The following KCND2 variants were observed in gnomAD, a reference collection of about 807,000 sequenced individuals.
The protein encoded by KCND2 is potassium voltage-gated channel subfamily D member 2.
KCND2 carries 16 observed loss-of-function variants against 54.4 expected under a neutral mutation model. That is an observed-to-expected ratio of 0.29 (90% confidence interval 0.20 to 0.45). The LOEUF is 0.45. KCND2 is among the 20% of genes least tolerant of loss of function. The probability of loss-of-function intolerance (pLI) is 1.00; values close to 1 mark genes in which losing one functional copy is unlikely to be tolerated. For synonymous variants in KCND2, 317 were observed against 310.7 expected (o/e 1.02, Z -0.21); for missense variants, 486 against 824.2 (o/e 0.59, Z 5.02).
intron 1 of KCND2, among the ~76,000 whole-genome samples, chr7:120,292,283 T>C (rs1799446603): frequency 6.6e-6 from 1 of 151,922 alleles, no homozygotes; most frequent in South Asian, 2.1e-4. Flanking sequence ...AATATTACTT[T>C]TTATTTTTTT....
At chr7:120,413,431 G>GA (rs1291161285) in intron 1 of KCND2, among the ~76,000 whole-genome samples, 1 of 151,370 alleles carries the variant, frequency 6.6e-6, no homozygotes, top group East Asian at 1.9e-4. Context: ...TATATTATTA[G>GA]AAAAAAATGT....
chr7:120,542,839 A>G (rs1303117456), intron 1 of KCND2, among the ~76,000 whole-genome samples: 1 of 152,114 alleles, frequency 6.6e-6, no homozygotes, highest in Non-Finnish European at 1.5e-5. Flanking sequence ...AATAGCAACT[A>G]TTTATTGCTC....
At chr7:120,573,534 C>G (rs1476003650) in intron 1 of KCND2, among the ~76,000 whole-genome samples, 1 of 152,156 alleles carries the variant, frequency 6.6e-6, no homozygotes, top group Non-Finnish European at 1.5e-5. Flanking sequence ...CTCCTAATCT[C>G]TATGCACTAA....
intron 1 of KCND2, among the ~76,000 whole-genome samples, chr7:120,635,986 A>G (rs528705743): frequency 2.6e-5 from 4 of 152,244 alleles, no homozygotes; most frequent in South Asian, 2.1e-4. Flanking sequence ...AATCTGAACT[A>G]TGGGCCCTAA....
At chr7:120,640,024 A>G (rs1385361306) in intron 1 of KCND2, among the ~76,000 whole-genome samples, 1 of 152,192 alleles carries the variant, frequency 6.6e-6, no homozygotes, top group African/African-American at 2.4e-5. Flanking sequence ...CTGTAGACTT[A>G]TAGATATTTT....
chr7:120,732,366 TGA>T (rs1792818917), intron 1 of KCND2, among the ~76,000 whole-genome samples: 1 of 152,148 alleles, frequency 6.6e-6, no homozygotes, highest in African/African-American at 2.4e-5. Flanking sequence ...AATGAGAGAT[TGA>T]GTTAGATTTT....
At chr7:120,380,567 T>C (rs1049482111) in intron 1 of KCND2, among the ~76,000 whole-genome samples, 1 of 152,056 alleles carries the variant, frequency 6.6e-6, no homozygotes, top group African/African-American at 2.4e-5. Flanking sequence ...CATCATTAGA[T>C]AGATAATATT....
At chr7:120,303,798 A>T (rs1300395329) in intron 1 of KCND2, among the ~76,000 whole-genome samples, 3 of 152,188 alleles carry the variant, frequency 2.0e-5, no homozygotes, top group African/African-American at 7.2e-5. Context: ...TGTATCCTTT[A>T]AAATAATGAC....
chr7:120,282,384 G>T (rs1003003252), intron 1 of KCND2, among the ~76,000 whole-genome samples: 4 of 152,104 alleles, frequency 2.6e-5, no homozygotes, highest in Non-Finnish European at 4.4e-5. Context: ...TGCAATTTCT[G>T]TCAGGAAAAG....
chr7:120,332,931 CTT>C (rs1325814119), intron 1 of KCND2, among the ~76,000 whole-genome samples: 1 of 152,068 alleles, frequency 6.6e-6, no homozygotes, highest in Non-Finnish European at 1.5e-5. Context: ...AGATAATAGA[CTT>C]ATTTAACCCA....
intron 1 of KCND2, among the ~76,000 whole-genome samples, chr7:120,341,888 C>T (rs1800244432): frequency 6.6e-6 from 1 of 152,090 alleles, no homozygotes. Flanking sequence ...TCAATATAAT[C>T]TGCCGACCAG....
At chr7:120,658,699 T>C (rs993269435) in intron 1 of KCND2, among the ~76,000 whole-genome samples, 1 of 152,176 alleles carries the variant, frequency 6.6e-6, no homozygotes, top group African/African-American at 2.4e-5. Context: ...TAGTTACCAC[T>C]TGACCAGCAA....
chr7:120,418,410 C>A (rs1467304715), intron 1 of KCND2, among the ~76,000 whole-genome samples: 1 of 151,824 alleles, frequency 6.6e-6, no homozygotes, highest in Non-Finnish European at 1.5e-5. Flanking sequence ...AAAAAGAAAA[C>A]AATGAAAATG....
intron 1 of KCND2, among the ~76,000 whole-genome samples, chr7:120,527,028 G>A (rs1345313059): frequency 6.6e-6 from 1 of 151,982 alleles, no homozygotes; most frequent in Non-Finnish European, 1.5e-5. Flanking sequence ...ATATATTGAA[G>A]TACATCAGAT....
chr7:120,657,128 C>CGT (rs1482699193), intron 1 of KCND2, among the ~76,000 whole-genome samples: 1 of 151,982 alleles, frequency 6.6e-6, no homozygotes, highest in Non-Finnish European at 1.5e-5. Flanking sequence ...CAGCTATAGC[C>CGT]GTGTGTCAAG....
chr7:120,529,639 A>G (rs1266364842), intron 1 of KCND2, among the ~76,000 whole-genome samples: 2 of 152,164 alleles, frequency 1.3e-5, no homozygotes, highest in Admixed American at 1.3e-4. Flanking sequence ...TGAAGTTGAA[A>G]GTCACTTTAA....
At chr7:120,432,959 ACTC>A (rs1487671316) in intron 1 of KCND2, among the ~76,000 whole-genome samples, 1 of 151,046 alleles carries the variant, frequency 6.6e-6, no homozygotes, top group Non-Finnish European at 1.5e-5. Flanking sequence ...CCAAATCTCA[ACTC>A]CTCATCTGAC....
intron 1 of KCND2, among the ~76,000 whole-genome samples, chr7:120,588,402 A>AGTGTGTGT (rs3993713): frequency 0.063 from 8,939 of 141,280 alleles, 310 homozygotes; most frequent in Middle Eastern, 0.085. Context: ...GCAACTGTGC[A>AGTGTGTGT]GTGTGTGTGT....
intron 1 of KCND2, among the ~76,000 whole-genome samples, chr7:120,511,024 T>TCACACACA (rs10594846): frequency 1.1e-4 from 16 of 145,080 alleles, no homozygotes; most frequent in East Asian, 4.0e-4. Context: ...TCTCTCTCTC[T>TCACACACA]CACACACACA....
Sources: gnomAD v4.1 joint callset for allele counts (sites outside exome capture counted in the v4.1 genomes callset) on GRCh38, gnomAD v4.1.1 for gene constraint, MANE v1.5 for transcripts, NCBI Gene and HGNC (gene_info 2026-07-23, HGNC 2026-07-21) for gene names.